The following EFR3A variants were observed in gnomAD, a reference collection of about 807,000 sequenced individuals.
The protein encoded by EFR3A is protein EFR3 homolog A.
EFR3A carries 76 observed loss-of-function variants against 104.4 expected under a neutral mutation model. The ratio of observed to expected loss-of-function variants is 0.73; its 90% CI spans 0.60 to 0.88. The LOEUF is 0.88. Ranked by LOEUF, EFR3A falls within the 40% of genes least tolerant of loss-of-function variation. The pLI is 0.00. For missense variants in EFR3A, 985 were observed against 1,012.5 expected (o/e 0.97, Z 0.37); for synonymous variants, 330 against 330.0 (o/e 1.00, Z 0.00).
intron 1 of EFR3A, among the ~76,000 whole-genome samples, chr8:131,909,512 C>G (rs1816411312): frequency 6.6e-6 from 1 of 152,050 alleles, no homozygotes; most frequent in Non-Finnish European, 1.5e-5. Flanking sequence ...CACTACTATA[C>G]TCCAGCCTGG....
intron 7 of EFR3A, among the ~76,000 whole-genome samples, chr8:131,958,853 C>T (rs952875764): frequency 1.3e-5 from 2 of 152,142 alleles, no homozygotes; most frequent in Non-Finnish European, 2.9e-5. Flanking sequence ...TGGCTGCGCC[C>T]TGTGACTATG....
At chr8:131,950,187 T>A in intron 5 of EFR3A, 97 bp downstream of exon 5, 1 of 1,263,462 alleles carries the variant, frequency 7.9e-7, no homozygotes, top group Non-Finnish European at 1.1e-6. Flanking sequence ...AACAATAATA[T>A]GCCTGAAATA....
At chr8:132,010,409 TATATATA>T (rs1406883659) in intron 22 of EFR3A, among the ~76,000 whole-genome samples, 3 of 10,062 alleles carry the variant, frequency 3.0e-4, no homozygotes, top group Non-Finnish European at 4.5e-4. Flanking sequence ...AAGTATGAGA[TATATATA>T]TATATATATA....
chr8:131,970,715 A>G, intron 10 of EFR3A, 72 bp downstream of exon 10: 1 of 1,388,082 alleles, frequency 7.2e-7, no homozygotes, highest in Non-Finnish European at 9.9e-7. Context: ...AAGGTCCTGG[A>G]CTATTATAGT....
At chr8:131,938,398 TC>T (rs1407299100) in intron 1 of EFR3A, 1 of 392,378 alleles carries the variant, frequency 2.5e-6, no homozygotes, top group African/African-American at 2.1e-5. Context: ...TATAGTAATT[TC>T]TTTTGTGATT....
intron 1 of EFR3A, among the ~76,000 whole-genome samples, chr8:131,921,049 C>T (rs1168713195): frequency 6.6e-6 from 1 of 152,150 alleles, no homozygotes; most frequent in East Asian, 1.9e-4. Flanking sequence ...TGTATTTGCA[C>T]AATATCCATG....
intron 18 of EFR3A, among the ~76,000 whole-genome samples, chr8:131,989,024 A>G (rs1017791792): frequency 9.9e-5 from 15 of 152,114 alleles, no homozygotes; most frequent in Non-Finnish European, 2.1e-4. Flanking sequence ...TCCCATCCCT[A>G]AAAAAGATGT....
chr8:131,985,191 T>G, intron 16 of EFR3A, 131 bp downstream of exon 16: 1 of 925,404 alleles, frequency 1.1e-6, no homozygotes, highest in Non-Finnish European at 1.6e-6. Context: ...CTACAGCCAG[T>G]AAACTGAAAC....
chr8:132,000,054 C>CT (rs1170113322), intron 19 of EFR3A, among the ~76,000 whole-genome samples: 1 of 151,868 alleles, frequency 6.6e-6, no homozygotes, highest in Admixed American at 6.6e-5. Context: ...CAACAAATGA[C>CT]TTAAAGGGAT....
At chr8:131,984,609 A>G (rs2130754573) in intron 15 of EFR3A, among the ~76,000 whole-genome samples, 1 of 152,238 alleles carries the variant, frequency 6.6e-6, no homozygotes, top group East Asian at 1.9e-4. Flanking sequence ...ACATACATGC[A>G]GTTGTTTAAT....
At chr8:131,928,989 G>T (rs1315699359) in intron 1 of EFR3A, among the ~76,000 whole-genome samples, 3 of 151,878 alleles carry the variant, frequency 2.0e-5, no homozygotes, top group South Asian at 2.1e-4. Context: ...CTTACCTCAG[G>T]ATTCTCTAAG....
chr8:131,904,419 CCG>C (rs946457762), intron 1 of EFR3A, 97 bp downstream of exon 1: 1 of 1,133,472 alleles, frequency 8.8e-7, no homozygotes, highest in Non-Finnish European at 1.1e-6. Context: ...GGAGGCTGGG[CCG>C]CGCTGAGCAG....
At chr8:131,965,541 C>T (rs570177689) in intron 8 of EFR3A, among the ~76,000 whole-genome samples, 1 of 152,138 alleles carries the variant, frequency 6.6e-6, no homozygotes, top group Non-Finnish European at 1.5e-5. Context: ...GAATGGCAAT[C>T]ATTAAAAAGT....
intron 8 of EFR3A, among the ~76,000 whole-genome samples, chr8:131,964,620 A>G (rs1053305876): frequency 4.6e-5 from 7 of 152,226 alleles, no homozygotes; most frequent in Non-Finnish European, 7.3e-5. Context: ...TAGAAGAATC[A>G]ATATCATGAA....
chr8:131,960,719 G>T (rs1321268900), intron 8 of EFR3A, among the ~76,000 whole-genome samples: 5 of 152,116 alleles, frequency 3.3e-5, no homozygotes, highest in Non-Finnish European at 7.4e-5. Context: ...GGTTTACATA[G>T]TTTCAAATAT....
intron 17 of EFR3A, among the ~76,000 whole-genome samples, chr8:131,987,291 C>T (rs7834271): frequency 0.041 from 6,275 of 151,948 alleles, 315 homozygotes; most frequent in East Asian, 0.12. Flanking sequence ...TTCTTTATTA[C>T]TTAACAAGTA....
At chr8:131,970,450 C>G in intron 9 of EFR3A, 26 bp from the exon 10 acceptor site, 1 of 1,604,344 alleles carries the variant, frequency 6.2e-7, no homozygotes, top group Non-Finnish European at 8.5e-7. Context: ...AAACATGTAT[C>G]TTCTCACATA....
At chr8:131,940,369 G>A (rs1818102976) in intron 1 of EFR3A, 130 bp from the exon 2 acceptor site, 4 of 837,160 alleles carry the variant, frequency 4.8e-6, no homozygotes, top group East Asian at 2.7e-5. Flanking sequence ...GATTACATTT[G>A]TATGTCTTTA....
chr8:131,982,274 GT>G (rs1470348361), intron 14 of EFR3A, among the ~76,000 whole-genome samples: 1 of 151,980 alleles, frequency 6.6e-6, no homozygotes, highest in Non-Finnish European at 1.5e-5. Context: ...ACCATACATT[GT>G]GTATTCTTTT....
Sources: gnomAD v4.1 joint callset for allele counts (sites outside exome capture counted in the v4.1 genomes callset) on GRCh38, gnomAD v4.1.1 for gene constraint, MANE v1.5 for transcripts, NCBI Gene and HGNC (gene_info 2026-07-23, HGNC 2026-07-21) for gene names.